The following PTPRD variants were observed in gnomAD, a reference collection of about 807,000 sequenced individuals.
PTPRD encodes protein tyrosine phosphatase receptor type D.
In PTPRD, 34 loss-of-function variants were observed where a neutral mutation model predicts 214.5. The observed-to-expected ratio is 0.16, with a 90% CI of 0.12 to 0.21. The LOEUF is 0.21. Ranked by LOEUF, PTPRD falls within the 10% of genes least tolerant of loss-of-function variation. PTPRD has a pLI of 1.00. For synonymous variants in PTPRD, 1,128 were observed against 845.7 expected, an observed-to-expected ratio of 1.33 and a Z score of -5.79; for missense variants, 2,545 against 2,398.7, an observed-to-expected ratio of 1.06 and a Z score of -1.27.
chr9:8,522,367 C>T (rs748261239), intron 19 of PTPRD, among the ~76,000 whole-genome samples: 4 of 152,038 alleles, frequency 2.6e-5, no homozygotes, highest in Non-Finnish European at 5.9e-5. Context: ...AACACAGGGA[C>T]TTAGGGGATG....
intron 11 of PTPRD, among the ~76,000 whole-genome samples, chr9:8,940,192 C>T (rs1279794846): frequency 1.3e-5 from 2 of 151,286 alleles, no homozygotes; most frequent in Admixed American, 1.3e-4. Context: ...ATGGTTCAAT[C>T]CCTGATACCG....
chr9:9,473,669 T>C (rs1413188368), intron 8 of PTPRD, among the ~76,000 whole-genome samples: 2 of 152,150 alleles, frequency 1.3e-5, no homozygotes, highest in African/African-American at 2.4e-5. Flanking sequence ...ATGATGGCCA[T>C]TCCAACAGGG....
chr9:9,358,531 A>G (rs1164717396), intron 9 of PTPRD, among the ~76,000 whole-genome samples: 1 of 151,306 alleles, frequency 6.6e-6, no homozygotes, highest in Non-Finnish European at 1.5e-5. Context: ...AATGAATGTC[A>G]TATTTTTGCC....
chr9:9,396,565 A>T (rs941887332), intron 9 of PTPRD, among the ~76,000 whole-genome samples: 1 of 151,920 alleles, frequency 6.6e-6, no homozygotes, highest in African/African-American at 2.4e-5. Flanking sequence ...AACCTATGTA[A>T]ATTTTTTTAC....
chr9:9,010,853 G>T (rs754975738), intron 11 of PTPRD, among the ~76,000 whole-genome samples: 1 of 152,146 alleles, frequency 6.6e-6, no homozygotes, highest in Non-Finnish European at 1.5e-5. Context: ...ATTTTTACAT[G>T]TGAGATGGGC....
intron 11 of PTPRD, among the ~76,000 whole-genome samples, chr9:8,995,651 G>C (rs1056308689): frequency 1.3e-5 from 2 of 151,962 alleles, no homozygotes; most frequent in Non-Finnish European, 2.9e-5. Context: ...GTTGAAATCG[G>C]GTTCCCCTAT....
intron 4 of PTPRD, among the ~76,000 whole-genome samples, chr9:9,973,380 G>C (rs1213111625): frequency 2.0e-5 from 3 of 151,904 alleles, no homozygotes; most frequent in African/African-American, 4.8e-5. Flanking sequence ...GCTGAAGCCG[G>C]AGGGTTACTT....
intron 3 of PTPRD, among the ~76,000 whole-genome samples, chr9:10,047,339 C>T (rs291258): frequency 0.43 from 49,317 of 115,534 alleles, 8,382 homozygotes; most frequent in East Asian, 0.51. Flanking sequence ...TGTGTGTGTG[C>T]GTGTGTGTGT....
chr9:10,503,314 T>C (rs1173715084), intron 2 of PTPRD, among the ~76,000 whole-genome samples: 1 of 151,186 alleles, frequency 6.6e-6, no homozygotes, highest in East Asian at 1.9e-4. Flanking sequence ...AAACAAGCCA[T>C]GTATATAGCA....
At chr9:8,902,435 T>G (rs1299492619) in intron 11 of PTPRD, among the ~76,000 whole-genome samples, 1 of 151,500 alleles carries the variant, frequency 6.6e-6, no homozygotes, top group Non-Finnish European at 1.5e-5. Context: ...CTCCGCCTCC[T>G]GGGTTCAAGT....
intron 3 of PTPRD, among the ~76,000 whole-genome samples, chr9:10,101,032 GTTTA>G (rs1351132794): frequency 6.6e-6 from 1 of 151,556 alleles, no homozygotes; most frequent in Non-Finnish European, 1.5e-5. Context: ...ATATTCCAAA[GTTTA>G]TTTGTTTCTA....
In PTPRD at chr9:10,081,049, G is replaced by A. The variant is rs2098228078; in HGVS notation, c.-544-47259C>T. On this transcript the variant is annotated intron_variant, in intron 3 of 45. Transcript: ENST00000381196. ...TTTATAACACCCAAATAACTTGTAT[G>A]GAATATCTACTAAGAATATTTCTCT... Among the ~76,000 whole-genome samples the A allele has an allele frequency of 2.0e-5, 3 of 151,750 alleles. No homozygotes were observed. In the South Asian group the frequency reaches 6.2e-4, roughly 32 times the overall value.
chr9:10,167,383 G>A (rs1393904170), intron 3 of PTPRD, among the ~76,000 whole-genome samples: 1 of 151,998 alleles, frequency 6.6e-6, no homozygotes, highest in African/African-American at 2.4e-5. Context: ...ATGGTAAAGT[G>A]CACATTCCCT....
chr9:9,056,754 C>T lies in PTPRD; in HGVS notation c.-142-38019G>A, dbSNP rs560977228. ...CTTCCATGTTTGGCGTAGGCCTGTA[C>T]ACTTTGCTGCATTTCTTTCTTCACT... On this transcript the variant is annotated intron_variant, in intron 10 of 45. Transcript: ENST00000381196. Among the ~76,000 whole-genome samples the T allele has an allele frequency of 5.9e-5, 9 of 152,324 alleles. No individual in the cohort carries two copies. The South Asian group carries it at 1.9e-3, about 32-fold the overall frequency.
chr9:8,964,283 TG>T (rs894044944), intron 11 of PTPRD, among the ~76,000 whole-genome samples: 2 of 144,342 alleles, frequency 1.4e-5, no homozygotes, highest in African/African-American at 2.5e-5. Flanking sequence ...AATTCAATCT[TG>T]GGAGATTGTG....
At chr9:8,778,452 C>T (rs760894166) in intron 11 of PTPRD, among the ~76,000 whole-genome samples, 1 of 152,290 alleles carries the variant, frequency 6.6e-6, no homozygotes, top group Admixed American at 6.5e-5. Flanking sequence ...CTCTGGATAA[C>T]AGAGCGACCG....
rs752834349 is a variant in PTPRD, at chr9:8,492,955, G to C, written c.2374C>G (p.Pro792Ala). ...EHDMIISGLQ[P>A]ETSYSLTVTA... ...ACGGTGAGGGAGTAGGAAGTTTCAGGCTGGAGCCCAGAAATGATCATGTCC... is the reference window on the plus strand; with the variant it reads ...ACGGTGAGGGAGTAGGAAGTTTCAGCCTGGAGCCCAGAAATGATCATGTCC... Residue 792 changes from proline (P) to alanine (A), a missense_variant, in exon 27 of 46, where the codon CCT becomes GCT. Coordinates refer to ENST00000381196, the MANE Select transcript of PTPRD (RefSeq NM_002839.4). 12 of 1,613,526 alleles carry C rather than the reference G, an allele frequency of 7.4e-6. No individual in the cohort carries two copies. The highest frequency in any genetic ancestry group is 8.5e-6 in the Non-Finnish European group (10 of 1,179,632).
chr9:10,177,123 G>T (rs972218070), intron 3 of PTPRD, among the ~76,000 whole-genome samples: 2 of 151,900 alleles, frequency 1.3e-5, no homozygotes, highest in Non-Finnish European at 2.9e-5. Context: ...AATGAAAGTT[G>T]CTTCACATTG....
chr9:9,605,597 G>A (rs918432253), intron 7 of PTPRD, among the ~76,000 whole-genome samples: 115 of 152,050 alleles, frequency 7.6e-4, no homozygotes, highest in African/African-American at 2.7e-3. Context: ...CACTGTAGAT[G>A]TATCATTATG....
Sources: allele counts gnomAD v4.1 joint callset (sites outside exome capture counted in the v4.1 genomes callset), GRCh38; gene constraint gnomAD v4.1.1; transcripts MANE v1.5; gene names NCBI Gene and HGNC (gene_info 2026-07-23, HGNC 2026-07-21).